The following GRIK2 variants were observed in gnomAD, a reference collection of about 807,000 sequenced individuals.
The protein encoded by GRIK2 is glutamate receptor ionotropic, kainate 2.
Under a neutral mutation model 100.3 loss-of-function variants are expected in GRIK2, and 32 were observed. The ratio of observed to expected loss-of-function variants is 0.32; its 90% confidence interval spans 0.24 to 0.43. The LOEUF is 0.43. Among genes scored for constraint, GRIK2 ranks in the 20% least tolerant of loss-of-function variants. GRIK2 has a pLI of 1.00. For synonymous variants in GRIK2, 417 were observed against 389.4 expected, an observed-to-expected ratio of 1.07 and a Z score of -0.83; for missense variants, 843 against 1,114.9, an observed-to-expected ratio of 0.76 and a Z score of 3.47.
intron 13 of GRIK2, among the ~76,000 whole-genome samples, chr6:101,925,460 C>A (rs1582548564): frequency 1.4e-5 from 2 of 144,850 alleles, no homozygotes; most frequent in Non-Finnish European, 3.0e-5. Flanking sequence ...GCTATGGTTT[C>A]TTTTATTAAT....
chr6:101,578,759 C>T (rs1009565069), intron 2 of GRIK2, among the ~76,000 whole-genome samples: 2 of 152,080 alleles, frequency 1.3e-5, no homozygotes, highest in Non-Finnish European at 2.9e-5. Flanking sequence ...GATGAAGGCT[C>T]ATTTCTAGAT....
At chr6:101,833,559 G>A (rs2128429243) in intron 10 of GRIK2, among the ~76,000 whole-genome samples, 1 of 152,162 alleles carries the variant, frequency 6.6e-6, no homozygotes, top group African/African-American at 2.4e-5. Context: ...ATAGATTTAT[G>A]CTCAAGAAAA....
At chr6:101,793,314 C>T (rs1231070963) in intron 7 of GRIK2, among the ~76,000 whole-genome samples, 3 of 151,540 alleles carry the variant, frequency 2.0e-5, no homozygotes, top group Non-Finnish European at 4.4e-5. Context: ...TTTTTCTGCT[C>T]TGTTTTTTCC....
At chr6:101,830,369 TTA>T (rs1782600512) in intron 10 of GRIK2, among the ~76,000 whole-genome samples, 1 of 151,806 alleles carries the variant, frequency 6.6e-6, no homozygotes, top group Non-Finnish European at 1.5e-5. Flanking sequence ...GGCCAAAAAT[TTA>T]TGACTAAGTC....
intron 2 of GRIK2, among the ~76,000 whole-genome samples, chr6:101,458,916 A>T (rs1015151271): frequency 1.8e-4 from 28 of 152,178 alleles, no homozygotes; most frequent in African/African-American, 6.5e-4. Context: ...AAAGTGTTCA[A>T]ACTGTGATTG....
intron 2 of GRIK2, among the ~76,000 whole-genome samples, chr6:101,587,299 A>T (rs925938701): frequency 6.6e-6 from 1 of 152,128 alleles, no homozygotes; most frequent in Non-Finnish European, 1.5e-5. Flanking sequence ...CCCAAATGTG[A>T]CACAAGTGAA....
chr6:101,429,656 C>T (rs1035092281), intron 2 of GRIK2, among the ~76,000 whole-genome samples: 4 of 151,792 alleles, frequency 2.6e-5, no homozygotes, highest in African/African-American at 9.7e-5. Flanking sequence ...AACAGACTTC[C>T]TGAAAAAAAT....
chr6:101,896,313 T>C (rs757361006), intron 12 of GRIK2, among the ~76,000 whole-genome samples: 2 of 151,782 alleles, frequency 1.3e-5, no homozygotes, highest in Non-Finnish European at 3.0e-5. Flanking sequence ...GATAATTTAA[T>C]CTTCAGAGGA....
At chr6:101,781,188 A>C (rs192453302) in intron 7 of GRIK2, among the ~76,000 whole-genome samples, 269 of 151,574 alleles carry the variant, frequency 1.8e-3, no homozygotes, top group African/African-American at 6.4e-3. Flanking sequence ...TTATACAATC[A>C]TTTATAGGTA....
At chr6:102,052,774 T>C (rs975933690) in intron 15 of GRIK2, among the ~76,000 whole-genome samples, 1 of 152,170 alleles carries the variant, frequency 6.6e-6, no homozygotes, top group Non-Finnish European at 1.5e-5. Flanking sequence ...AAATCTTGCT[T>C]ATAATTATAT....
intron 12 of GRIK2, among the ~76,000 whole-genome samples, chr6:101,892,233 A>G (rs1482853864): frequency 1.3e-5 from 2 of 152,198 alleles, no homozygotes; most frequent in Non-Finnish European, 2.9e-5. Flanking sequence ...TCAAATTTGT[A>G]TTAGGAAATT....
chr6:101,984,739 G>A (rs1258629990), intron 14 of GRIK2, among the ~76,000 whole-genome samples: 1 of 150,928 alleles, frequency 6.6e-6, no homozygotes, highest in Non-Finnish European at 1.5e-5. Context: ...AGAGAGTTAT[G>A]CAAGTAAAAA....
intron 16 of GRIK2, 69 bp downstream of exon 16, chr6:102,055,649 G>A: frequency 1.8e-6 from 2 of 1,111,634 alleles, no homozygotes; most frequent in Admixed American, 2.0e-5. Flanking sequence ...CAAACCAAAA[G>A]AGTTTTTATG....
chr6:101,818,029 T>C (rs1434155778), intron 9 of GRIK2, among the ~76,000 whole-genome samples: 1 of 152,216 alleles, frequency 6.6e-6, no homozygotes, highest in African/African-American at 2.4e-5. Flanking sequence ...ATGAAATAGA[T>C]CCATTACAGT....
chr6:101,955,706 C>T (rs1280995626), intron 14 of GRIK2, among the ~76,000 whole-genome samples: 3 of 151,430 alleles, frequency 2.0e-5, no homozygotes, highest in Non-Finnish European at 4.4e-5. Flanking sequence ...TGTGGCCACA[C>T]AGCTATACAT....
chr6:101,811,045 C>A (rs1781296558), intron 9 of GRIK2, among the ~76,000 whole-genome samples: 1 of 152,066 alleles, frequency 6.6e-6, no homozygotes, highest in Admixed American at 6.6e-5. Flanking sequence ...TCAATTCCCT[C>A]AAACAGTACT....
In GRIK2 at chr6:101,398,996, C is replaced by T; in HGVS notation, c.-282C>T. 2.3e-6 allele frequency: 1 copy of T among 430,486 alleles called. No homozygotes were observed. The highest frequency in any genetic ancestry group is 4.1e-6 in the Non-Finnish European group (1 of 244,346). 26.7% of individuals were successfully genotyped at this position (430,486 alleles called of 1,614,324 possible). ...CTCTGCTTTCACAGGCTCGCGCGGC[C>T]GGACATTGTGGGTGTGCGTGCTGGA... On this transcript the variant is annotated 5_prime_UTR_variant, in exon 2 of 17. Coordinates refer to ENST00000369134, the MANE Select transcript of GRIK2 (RefSeq NM_021956.5).
At chr6:102,055,019 G>A (rs990197704) in intron 15 of GRIK2, among the ~76,000 whole-genome samples, 1 of 152,110 alleles carries the variant, frequency 6.6e-6, no homozygotes, top group African/African-American at 2.4e-5. Context: ...AAACATCTTT[G>A]CACTCTATCC....
intron 2 of GRIK2, among the ~76,000 whole-genome samples, chr6:101,497,292 G>T (rs1167265966): frequency 6.6e-6 from 1 of 152,110 alleles, no homozygotes; most frequent in Non-Finnish European, 1.5e-5. Context: ...ATTGGATGAT[G>T]AACTCCATAA....
Sources: allele counts gnomAD v4.1 joint callset (sites outside exome capture counted in the v4.1 genomes callset), GRCh38; gene constraint gnomAD v4.1.1; transcripts MANE v1.5; gene names NCBI Gene and HGNC (gene_info 2026-07-23, HGNC 2026-07-21).